ST6GALNAC5: variants seen among roughly 807,000 people sequenced by gnomAD.
ST6GALNAC5 encodes alpha-N-acetylgalactosaminide alpha-2,6-sialyltransferase 5.
In ST6GALNAC5, 27 loss-of-function variants were observed where a neutral mutation model predicts 33.6. That is an observed-to-expected ratio of 0.80 (90% CI 0.59 to 1.11). The LOEUF (loss-of-function observed/expected upper bound fraction) is 1.11, where lower values mean the gene tolerates loss of function less well. Among genes scored for constraint, ST6GALNAC5 ranks in the 50% least tolerant of loss-of-function variants. The pLI is 0.00. For synonymous variants in ST6GALNAC5, 194 were observed against 171.2 expected, an observed-to-expected ratio of 1.13 and a Z score of -1.04; for missense variants, 428 against 454.0, an observed-to-expected ratio of 0.94 and a Z score of 0.52.
intron 2 of ST6GALNAC5, among the ~76,000 whole-genome samples, chr1:77,026,835 AT>A (rs1651258138): frequency 6.8e-6 from 1 of 147,810 alleles, no homozygotes; most frequent in African/African-American, 2.6e-5. Flanking sequence ...GAATGAATGA[AT>A]GAAAATGTGT....
At chr1:77,004,705 T>C (rs1227243741) in intron 2 of ST6GALNAC5, among the ~76,000 whole-genome samples, 1 of 117,834 alleles carries the variant, frequency 8.5e-6, no homozygotes, top group African/African-American at 2.6e-5. Context: ...GTTTTCCTTC[T>C]AACAGACAGG....
intron 2 of ST6GALNAC5, among the ~76,000 whole-genome samples, chr1:76,975,216 G>T (rs1648958835): frequency 1.3e-5 from 2 of 152,138 alleles, no homozygotes; most frequent in South Asian, 4.1e-4. Flanking sequence ...CTTTGGGATA[G>T]AAGTAGATAC....
chr1:76,958,457 T>C (rs1210933774), intron 2 of ST6GALNAC5, among the ~76,000 whole-genome samples: 1 of 152,182 alleles, frequency 6.6e-6, no homozygotes, highest in Non-Finnish European at 1.5e-5. Context: ...TGTGGGGATG[T>C]CATCACTGTT....
intron 2 of ST6GALNAC5, among the ~76,000 whole-genome samples, chr1:76,992,527 C>A (rs114801680): frequency 3.3e-4 from 50 of 152,154 alleles, no homozygotes; most frequent in African/African-American, 1.2e-3. Context: ...CCGGTTCTGG[C>A]TCTGTCACCC....
intron 2 of ST6GALNAC5, among the ~76,000 whole-genome samples, chr1:76,964,757 CT>C (rs568030230): frequency 2.0e-5 from 3 of 152,096 alleles, no homozygotes; most frequent in South Asian, 4.2e-4. Context: ...ATCCCTCCCC[CT>C]GACCCCACCC....
At chr1:76,900,085 G>A (rs1646801777) in intron 2 of ST6GALNAC5, among the ~76,000 whole-genome samples, 1 of 152,136 alleles carries the variant, frequency 6.6e-6, no homozygotes, top group African/African-American at 2.4e-5. Flanking sequence ...AGTCAGCGAA[G>A]GGAGATAAGG....
intron 4 of ST6GALNAC5, among the ~76,000 whole-genome samples, chr1:77,058,352 T>C (rs1009778826): frequency 3.3e-5 from 5 of 152,232 alleles, no homozygotes; most frequent in African/African-American, 1.2e-4. Flanking sequence ...ACGTGGGGCC[T>C]AGTGGCAGGT....
intron 2 of ST6GALNAC5, among the ~76,000 whole-genome samples, chr1:76,992,643 T>C (rs1230567161): frequency 2.6e-5 from 4 of 152,176 alleles, no homozygotes; most frequent in African/African-American, 9.6e-5. Flanking sequence ...TATAGGTGCA[T>C]GCCACCATGC....
At chr1:77,036,172 A>G (rs1482660366) in intron 2 of ST6GALNAC5, among the ~76,000 whole-genome samples, 1 of 152,230 alleles carries the variant, frequency 6.6e-6, no homozygotes, top group Non-Finnish European at 1.5e-5. Flanking sequence ...ACAAAAGACT[A>G]TATATTTTAT....
intron 4 of ST6GALNAC5, among the ~76,000 whole-genome samples, chr1:77,055,082 T>G (rs1042183469): frequency 2.0e-5 from 3 of 151,884 alleles, no homozygotes; most frequent in Admixed American, 6.6e-5. Flanking sequence ...CAAACATGAC[T>G]GCCTTACTAG....
intron 2 of ST6GALNAC5, among the ~76,000 whole-genome samples, chr1:77,008,590 C>T (rs980745313): frequency 1.3e-5 from 2 of 152,022 alleles, no homozygotes; most frequent in Non-Finnish European, 2.9e-5. Flanking sequence ...AGTGCAGTGG[C>T]TCAATCTCGG....
At chr1:76,909,362 A>G (rs1434843903) in intron 2 of ST6GALNAC5, among the ~76,000 whole-genome samples, 1 of 151,522 alleles carries the variant, frequency 6.6e-6, no homozygotes, top group Non-Finnish European at 1.5e-5. Context: ...CATCTGTAAA[A>G]ATGGGGATTC....
In ST6GALNAC5 at chr1:76,965,650, G is replaced by A. The variant is rs553638064; in HGVS notation, c.262-78554G>A. Among the ~76,000 whole-genome samples, 5 of 152,156 alleles carry A rather than the reference G, an allele frequency of 3.3e-5. No individual in the cohort carries two copies. The East Asian group carries it at 9.7e-4, about 29-fold the overall frequency. ...ATCCAGTTTGGCTTTTGTTGCCATT[G>A]CTTTTGATGTTTTAGTCATGAAGTC... On this transcript the variant is annotated intron_variant, in intron 2 of 4. Coordinates refer to ENST00000477717, the MANE Select transcript of ST6GALNAC5 (RefSeq NM_030965.3).
chr1:76,986,045 A>G (rs1483299046), intron 2 of ST6GALNAC5, among the ~76,000 whole-genome samples: 1 of 152,254 alleles, frequency 6.6e-6, no homozygotes, highest in Non-Finnish European at 1.5e-5. Flanking sequence ...ACCTAAAACC[A>G]TAAAAACCCT....
At chr1:76,988,440 A>G (rs1649595136) in intron 2 of ST6GALNAC5, among the ~76,000 whole-genome samples, 1 of 152,008 alleles carries the variant, frequency 6.6e-6, no homozygotes, top group Non-Finnish European at 1.5e-5. Context: ...AGTTATCTTT[A>G]TAGTTATAAA....
intron 2 of ST6GALNAC5, among the ~76,000 whole-genome samples, chr1:76,927,846 T>C (rs898544624): frequency 1.3e-5 from 2 of 152,170 alleles, no homozygotes; most frequent in African/African-American, 4.8e-5. Flanking sequence ...TTAAATTTGA[T>C]TGATGAGTTT....
chr1:76,937,602 A>G (rs1570689192), intron 2 of ST6GALNAC5, among the ~76,000 whole-genome samples: 1 of 152,152 alleles, frequency 6.6e-6, no homozygotes, highest in East Asian at 1.9e-4. Flanking sequence ...TGGAAAATGG[A>G]TGCAGTCAGC....
intron 2 of ST6GALNAC5, among the ~76,000 whole-genome samples, chr1:76,905,334 G>A (rs1327474300): frequency 2.6e-5 from 4 of 152,112 alleles, no homozygotes; most frequent in Non-Finnish European, 2.9e-5. Context: ...CATTCTTATT[G>A]TCTTGGAAGC....
intron 1 of ST6GALNAC5, 50 bp downstream of exon 1, chr1:76,867,740 T>C: frequency 6.2e-7 from 1 of 1,613,854 alleles, no homozygotes; most frequent in African/African-American, 1.3e-5. Flanking sequence ...ATCCCCGGGC[T>C]CAGGGTCCAC....
Sources: gnomAD v4.1 joint callset for allele counts (sites outside exome capture counted in the v4.1 genomes callset) on GRCh38, gnomAD v4.1.1 for gene constraint, MANE v1.5 for transcripts, NCBI Gene and HGNC (gene_info 2026-07-23, HGNC 2026-07-21) for gene names.